Variants in YBX1 observed in about 807,000 individuals in gnomAD.
The protein encoded by YBX1 is Y-box binding protein 1, also known as Y-box-binding protein 1.
A neutral mutation model predicts 41.4 loss-of-function variants in YBX1; 3 were observed. That is an observed-to-expected ratio of 0.07 (90% CI 0.03 to 0.19). YBX1 has a LOEUF of 0.19. YBX1 is among the 10% of genes least tolerant of loss of function. YBX1 has a pLI of 1.00. For synonymous variants in YBX1, 133 were observed against 165.8 expected, an observed-to-expected ratio of 0.80 and a Z score of 1.52; for missense variants, 274 against 462.8, an observed-to-expected ratio of 0.59 and a Z score of 3.74.
At chr1:42,687,986 G>A (rs1334593850) in intron 2 of YBX1, among the ~76,000 whole-genome samples, 1 of 152,172 alleles carries the variant, frequency 6.6e-6, no homozygotes, top group African/African-American at 2.4e-5. Context: ...AAACATCAAT[G>A]ACATGTATGC....
intron 2 of YBX1, among the ~76,000 whole-genome samples, chr1:42,688,066 C>A (rs568057313): frequency 6.6e-6 from 1 of 152,050 alleles, no homozygotes; most frequent in Non-Finnish European, 1.5e-5. Context: ...AGAAGTCATC[C>A]GTGTTCACCA....
rs1570422347 is a variant in YBX1 at position 42,696,357 on chromosome 1, A to G, written c.354+69A>G. Reference sequence around the variant, plus strand: ...TATTTTGGAGGTCTCATCCATTAGGATGGTGGCTCTAATGTGGATGGATGT... The same window carrying G: ...TATTTTGGAGGTCTCATCCATTAGGGTGGTGGCTCTAATGTGGATGGATGT... On this transcript the variant is annotated intron_variant, in intron 4 of 7. Coordinates refer to ENST00000321358, the MANE Select transcript of YBX1 (RefSeq NM_004559.5). This position sits in a 1 kb window ranked among gnomAD's most constrained non-coding sequence, Gnocchi z 5.7. 10 of 1,508,856 alleles carry G rather than the reference A, an allele frequency of 6.6e-6. No homozygotes were observed. Among genetic ancestry groups the G allele is most frequent in the East Asian group, 4.5e-5 (2 of 44,224 alleles). The allele number at this position is 1,508,856 out of a possible 1,614,324, so 93.5% of individuals were successfully genotyped here. A position where few individuals can be genotyped will look rare whatever the true frequency, so the allele number is the denominator to read the frequency against.
rs144349068 is a variant in YBX1, at chr1:42,693,272, C to CT, written c.231-204dup. ...GTAGGTCACACTTTAATTTCTTAGA[C>CT]TTTTTTTTTTTTTTGCCTATCTTAC... On this transcript the variant is annotated intron_variant, in intron 2 of 7. Transcript: ENST00000321358. 5.0e-3 allele frequency among the ~76,000 whole-genome samples: 725 copies of CT among 144,114 alleles called. 7 individuals carry two copies. The highest frequency in any genetic ancestry group is 0.03 in the East Asian group (147 of 4,956). 94.5% of individuals were successfully genotyped at this position (144,114 alleles called of 152,430 possible).
chr1:42,694,144 A>T (rs1370459855), intron 3 of YBX1, among the ~76,000 whole-genome samples: 1 of 152,128 alleles, frequency 6.6e-6, no homozygotes, highest in African/African-American at 2.4e-5. Flanking sequence ...GCTGCTCATT[A>T]AATAATTTTT....
chr1:42,702,176 T>A lies in YBX1; in HGVS notation c.*227T>A, dbSNP rs1650618164. ...TTTTGGTAATAACAAACGTGTTTTT[T>A]AAAAAAGCCTGGTTTTTCTCAATAC... On this transcript the variant is annotated 3_prime_UTR_variant, in exon 8 of 8. Transcript: ENST00000321358. The A allele has an allele frequency of 6.5e-6, 1 of 152,810 alleles. No individual in the cohort carries two copies. The highest frequency in any genetic ancestry group is 1.5e-5 in the Non-Finnish European group (1 of 68,046). The allele number at this position is 152,810 out of a possible 1,614,324, so 9.5% of individuals were successfully genotyped here.
intron 3 of YBX1, among the ~76,000 whole-genome samples, chr1:42,695,761 G>T (rs1427931650): frequency 6.6e-6 from 1 of 152,216 alleles, no homozygotes; most frequent in Non-Finnish European, 1.5e-5. Context: ...TAACACAGGG[G>T]CAAAGTTGGT....
chr1:42,683,294 T>A, intron 1 of YBX1, 109 bp from the exon 2 acceptor site: 1 of 1,308,344 alleles, frequency 7.6e-7, no homozygotes, highest in Non-Finnish European at 1.1e-6. Flanking sequence ...GAAAGGGCTG[T>A]CAGGTGGCCG....
rs149064241 is a variant in YBX1 at position 42,701,541 on chromosome 1, G to A, written c.*32-440G>A. Among the ~76,000 whole-genome samples the A allele has an allele frequency of 8.5e-3, 1,154 of 135,026 alleles. 18 individuals carry two copies. The highest frequency in any genetic ancestry group is 0.029 in the African/African-American group (1,090 of 37,226). 88.6% of individuals were successfully genotyped at this position (135,026 alleles called of 152,430 possible). A position where few individuals can be genotyped will look rare whatever the true frequency, so the allele number is the denominator to read the frequency against. ...TCATTTCTAATTGTTTTTTTTTTTT[G>A]TTGGTTTATGTTGTTCCCGGAAAAA... On this transcript the variant is annotated intron_variant, in intron 7 of 7. Transcript: ENST00000321358.
In YBX1 at chr1:42,696,522, C is replaced by CGGGGGGGGGGGGGGGGGGGGGGGGGGGTG; in HGVS notation, c.355-120_355-119insGGGGGGGGGGGGGGGGGGGGGGGGGGGTG. On this transcript the variant is annotated intron_variant, in intron 4 of 7. Coordinates refer to ENST00000321358, the MANE Select transcript of YBX1 (RefSeq NM_004559.5). The surrounding 1 kb of genome is among the most constrained non-coding windows in gnomAD (Gnocchi z 5.7). Reference sequence around the variant, plus strand: ...GGTCACGCAGTTGCGCCCCCCCCCCCTTTTTTTTCCTTAACTTTGTTGTTT... The same window carrying CGGGGGGGGGGGGGGGGGGGGGGGGGGGTG: ...GGTCACGCAGTTGCGCCCCCCCCCCCGGGGGGGGGGGGGGGGGGGGGGGGGGGTGTTTTTTTTCCTTAACTTTGTTGTTT... 1 of 637,568 alleles carries CGGGGGGGGGGGGGGGGGGGGGGGGGGGTG rather than the reference C, an allele frequency of 1.6e-6. No individual in the cohort carries two copies. Among genetic ancestry groups the CGGGGGGGGGGGGGGGGGGGGGGGGGGGTG allele is most frequent in the Non-Finnish European group, 2.4e-6 (1 of 420,684 alleles). The allele number at this position is 637,568 out of a possible 1,614,324, so 39.5% of individuals were successfully genotyped here.
chr1:42,697,400 C>G (rs1025319299), intron 6 of YBX1, 138 bp downstream of exon 6: 3 of 791,738 alleles, frequency 3.8e-6, no homozygotes, highest in South Asian at 2.1e-5. Context: ...AAGAGGTGAA[C>G]CTATTAAAAA....
intron 2 of YBX1, among the ~76,000 whole-genome samples, chr1:42,684,039 T>C (rs566793959): frequency 6.6e-6 from 1 of 152,356 alleles, no homozygotes; most frequent in African/African-American, 2.4e-5. Flanking sequence ...GTAAATAATA[T>C]ATTTACAAGA....
Position 42,693,508 on chromosome 1 carries a change from T to C in YBX1, c.249T>C (p.Asp83=). The change falls in exon 3 of 8, where the codon GAT becomes GAC. Residue 83 remains aspartate, a synonymous_variant. Transcript: ENST00000321358. ...GFINRNDTKE[D]VFVHQTAIKK... ...CTTGCAGGAATGACACCAAGGAAGA[T>C]GTATTTGTACACCAGGTGAGTGCTT... is the stretch of plus-strand genomic sequence containing the variant. 6.2e-7 allele frequency: 1 copy of C among 1,613,804 alleles called. No individual in the cohort carries two copies. Among genetic ancestry groups the C allele is most frequent in the Admixed American group, 1.7e-5 (1 of 59,988 alleles).
chr1:42,682,814 G>C, intron 1 of YBX1, 83 bp downstream of exon 1: 1 of 980,238 alleles, frequency 1.0e-6, no homozygotes, highest in Non-Finnish European at 1.3e-6. Flanking sequence ...GAGCCGGCGG[G>C]CGCGCGGCCG....
chr1:42,695,307 A>T (rs1650433118), intron 3 of YBX1, among the ~76,000 whole-genome samples: 1 of 152,154 alleles, frequency 6.6e-6, no homozygotes, highest in Non-Finnish European at 1.5e-5. Context: ...CCTGTAATGG[A>T]TATAGCTGAG....
At chr1:42,698,253 A>G (rs989987232) in intron 6 of YBX1, among the ~76,000 whole-genome samples, 30 of 152,258 alleles carry the variant, frequency 2.0e-4, no homozygotes, top group Non-Finnish European at 4.4e-5. Flanking sequence ...TGTATTTATC[A>G]GCACATGTAC....
intron 7 of YBX1, 38 bp downstream of exon 7, chr1:42,701,084 G>A (rs1650589707): frequency 4.7e-6 from 7 of 1,496,530 alleles, no homozygotes; most frequent in Admixed American, 3.6e-5. Context: ...TATGGCAGTC[G>A]TGAGTGGTGA....
Position 42,696,507 on chromosome 1 carries a change from T to TTG in YBX1, c.355-134_355-133dup, listed in dbSNP as rs1650460765. ...TTTCTGTGCACCCCTGGTCACGCAGTTGCGCCCCCCCCCCCTTTTTTTTCC... is the reference window on the plus strand; with the variant it reads ...TTTCTGTGCACCCCTGGTCACGCAGTTGTGCGCCCCCCCCCCCTTTTTTTTCC... On this transcript the variant is annotated intron_variant, in intron 4 of 7. Coordinates refer to ENST00000321358, the MANE Select transcript of YBX1 (RefSeq NM_004559.5). The surrounding 1 kb of genome is among the most constrained non-coding windows in gnomAD (Gnocchi z 5.7). The TTG allele has an allele frequency of 1.1e-6, 1 of 911,750 alleles. No homozygotes were observed. The highest frequency in any genetic ancestry group is 1.6e-6 in the Non-Finnish European group (1 of 628,744). 56.5% of individuals were successfully genotyped at this position (911,750 alleles called of 1,614,324 possible).
intron 1 of YBX1, 81 bp downstream of exon 1, chr1:42,682,812 G>GGGCGCGCGGCCGGTGGGCACCGACTCCGC (rs1239032227): frequency 2.0e-6 from 2 of 1,002,258 alleles, no homozygotes; most frequent in Admixed American, 4.6e-5. Flanking sequence ...GCGAGCCGGC[G>GGGCGCGCGGCCGGTGGGCACCGACTCCGC]GGCGCGCGGC....
intron 2 of YBX1, among the ~76,000 whole-genome samples, chr1:42,684,851 A>G (rs1650154363): frequency 1.3e-5 from 2 of 152,130 alleles, no homozygotes; most frequent in South Asian, 4.1e-4. Context: ...TCTTACTCTG[A>G]TTATCGTTAC....
Sources: gnomAD v4.1 joint callset for allele counts (sites outside exome capture counted in the v4.1 genomes callset) on GRCh38, gnomAD v4.1.1 for gene constraint, Gnocchi (gnomAD v3.1) non-coding constraint, MANE v1.5 for transcripts, NCBI Gene and HGNC (gene_info 2026-07-23, HGNC 2026-07-21) for gene names.